Variants in CUX2 observed in about 807,000 individuals in gnomAD.
CUX2 encodes homeobox protein cut-like 2.
CUX2 carries 40 observed loss-of-function variants against 144.8 expected under a neutral mutation model. That is an observed-to-expected ratio of 0.28 (90% CI 0.21 to 0.36). CUX2 has a LOEUF of 0.36. Among genes scored for constraint, CUX2 ranks in the 10% least tolerant of loss-of-function variants. CUX2 has a pLI of 1.00. For synonymous variants in CUX2, 827 were observed against 875.6 expected (o/e 0.94, Z 0.98); for missense variants, 1,615 against 1,994.0 (o/e 0.81, Z 3.62).
At chr12:111,048,672 C>T (rs893178615) in intron 1 of CUX2, among the ~76,000 whole-genome samples, 4 of 152,026 alleles carry the variant, frequency 2.6e-5, no homozygotes, top group African/African-American at 9.7e-5. Context: ...TTCCAGGTGC[C>T]ACTTGTTAGG....
rs1023645527 is a variant in CUX2 at position 111,070,634 on chromosome 12, A to G, written c.63+36394A>G. 2.6e-4 allele frequency among the ~76,000 whole-genome samples: 40 copies of G among 152,234 alleles called. 1 individual carries two copies. Among genetic ancestry groups the G allele is most frequent in the Admixed American group, 2.1e-3 (32 of 15,292 alleles). On this transcript the variant is annotated intron_variant, in intron 1 of 21. Transcript: ENST00000261726. ...TCATTACCCAGAGTCTGTAGTTTAC[A>G]TTAGGATTCATTCTTGGTGTGGTAT...
intron 1 of CUX2, among the ~76,000 whole-genome samples, chr12:111,063,468 A>G (rs1260111968): frequency 6.6e-6 from 1 of 152,210 alleles, no homozygotes; most frequent in Admixed American, 6.5e-5. Flanking sequence ...GGTCCCAACC[A>G]GCATAGGTGG....
At chr12:111,281,419 G>A (rs1039876265) in intron 4 of CUX2, among the ~76,000 whole-genome samples, 2 of 152,096 alleles carry the variant, frequency 1.3e-5, no homozygotes, top group Non-Finnish European at 2.9e-5. Context: ...CCTCCCTAAG[G>A]TGAGTCGAGA....
In CUX2 at chr12:111,077,586, G is replaced by T. The variant is rs1871611582; in HGVS notation, c.63+43346G>T. Among the ~76,000 whole-genome samples, 1 of 152,212 alleles carries T rather than the reference G, an allele frequency of 6.6e-6. No individual in the cohort carries two copies. The highest frequency in any genetic ancestry group is 1.5e-5 in the Non-Finnish European group (1 of 68,040). Reference sequence around the variant, plus strand: ...GCAGCTCTCTTGATAACGTATGAAAGAATCCTATTCTGTTGATTAGATTTT... The same window carrying T: ...GCAGCTCTCTTGATAACGTATGAAATAATCCTATTCTGTTGATTAGATTTT... On this transcript the variant is annotated intron_variant, in intron 1 of 21. Transcript: ENST00000261726. This position sits in a 1 kb window ranked among gnomAD's most constrained non-coding sequence, Gnocchi z 4.1.
chr12:111,282,321 C>CAAAAAA (rs35466467), intron 4 of CUX2, among the ~76,000 whole-genome samples: 1 of 119,838 alleles, frequency 8.3e-6, no homozygotes, highest in African/African-American at 3.1e-5. Context: ...AACCCCATCT[C>CAAAAAA]AAAAAAAAAA....
intron 1 of CUX2, among the ~76,000 whole-genome samples, chr12:111,096,578 C>T (rs1339222351): frequency 6.6e-6 from 1 of 152,206 alleles, no homozygotes; most frequent in African/African-American, 2.4e-5. Flanking sequence ...TTCTCTGATG[C>T]TTCACATCCC....
In CUX2 at chr12:111,310,760, C is replaced by T. The variant is rs750837806; in HGVS notation, c.1900+78C>T. Reference sequence around the variant, plus strand: ...ATCAGGGCTGGGGGCTGAGGACACGCGCTCTGGGTTCAAAGCCCAGCTCTA... The same window carrying T: ...ATCAGGGCTGGGGGCTGAGGACACGTGCTCTGGGTTCAAAGCCCAGCTCTA... On this transcript the variant is annotated intron_variant, in intron 15 of 21. Transcript: ENST00000261726. This position sits in a 1 kb window ranked among gnomAD's most constrained non-coding sequence, Gnocchi z 7.9. 52 of 1,465,030 alleles carry T rather than the reference C, an allele frequency of 3.5e-5. No homozygotes were observed. Among genetic ancestry groups the T allele is most frequent in the Admixed American group, 8.9e-5 (4 of 44,968 alleles). The allele number at this position is 1,465,030 out of a possible 1,614,324, so 90.8% of individuals were successfully genotyped here.
chr12:111,175,365 C>CTATT (rs1878785322), intron 1 of CUX2, among the ~76,000 whole-genome samples: 1 of 104,516 alleles, frequency 9.6e-6, no homozygotes, highest in Non-Finnish European at 1.9e-5. Context: ...TTTTTTTACA[C>CTATT]TTTTCCACAA....
At chr12:111,319,529 G>A (rs989880523) in intron 16 of CUX2, among the ~76,000 whole-genome samples, 1 of 151,682 alleles carries the variant, frequency 6.6e-6, no homozygotes, top group South Asian at 2.1e-4. Flanking sequence ...TTGAGCTCAG[G>A]AGTTCAAGAC....
rs866738959 is a variant in CUX2, at chr12:111,287,629, G to A, written c.302-3789G>A. On this transcript the variant is annotated intron_variant, in intron 4 of 21. Transcript: ENST00000261726. The surrounding 1 kb of genome is among the most constrained non-coding windows in gnomAD (Gnocchi z 4.2). ...TGTCAATGTATAATTACATCAGCCC[G>A]GGGAGACATAATGGCATACCCTGCT... Among the ~76,000 whole-genome samples the A allele has an allele frequency of 5.3e-5, 8 of 152,348 alleles. No homozygotes were observed. The highest frequency in any genetic ancestry group is 3.4e-3 in the Middle Eastern group (1 of 294).
At chr12:111,303,808 C>T (rs979371474) in intron 9 of CUX2, among the ~76,000 whole-genome samples, 13 of 152,122 alleles carry the variant, frequency 8.5e-5, no homozygotes, top group Admixed American at 3.9e-4. Flanking sequence ...TCAGACTAGC[C>T]AGGCCTGAAG....
At chr12:111,218,987 A>G (rs1167954170) in intron 3 of CUX2, among the ~76,000 whole-genome samples, 1 of 151,870 alleles carries the variant, frequency 6.6e-6, no homozygotes. Flanking sequence ...AGGGATTTCT[A>G]AAGCGTTCCA....
At chr12:111,294,097 G>C (rs555062665) in intron 6 of CUX2, among the ~76,000 whole-genome samples, 1 of 152,362 alleles carries the variant, frequency 6.6e-6, no homozygotes, top group Admixed American at 6.5e-5. Context: ...ACTTTGGGAA[G>C]CCGAGGCAGG....
At chr12:111,292,655 G>A (rs924777552) in intron 5 of CUX2, among the ~76,000 whole-genome samples, 1 of 152,166 alleles carries the variant, frequency 6.6e-6, no homozygotes, top group African/African-American at 2.4e-5. Context: ...GCCACGTAAT[G>A]TACGATTCTG....
At chr12:111,270,914 G>T (rs1884616223) in intron 4 of CUX2, among the ~76,000 whole-genome samples, 1 of 152,198 alleles carries the variant, frequency 6.6e-6, no homozygotes, top group African/African-American at 2.4e-5. Flanking sequence ...TGTGCTGTGT[G>T]ACCTTGGCCA....
At chr12:111,067,316 T>C (rs372560726) in intron 1 of CUX2, among the ~76,000 whole-genome samples, 4 of 152,258 alleles carry the variant, frequency 2.6e-5, no homozygotes, top group African/African-American at 9.6e-5. Flanking sequence ...CAGGTCTCTG[T>C]TGTCCCTATA....
intron 19 of CUX2, among the ~76,000 whole-genome samples, chr12:111,335,120 G>A (rs1888291352): frequency 6.6e-6 from 1 of 152,138 alleles, no homozygotes; most frequent in African/African-American, 2.4e-5. Flanking sequence ...GCTGTGCATG[G>A]TGGCTCACAC....
chr12:111,175,842 T>C (rs111354582), intron 1 of CUX2, among the ~76,000 whole-genome samples: 1,645 of 151,888 alleles, frequency 0.011, 40 homozygotes, highest in African/African-American at 0.038. Context: ...CTGGGCAGCT[T>C]ATTGTACATG....
chr12:111,195,464 TG>T (rs1880180036), intron 1 of CUX2, among the ~76,000 whole-genome samples: 1 of 152,224 alleles, frequency 6.6e-6, no homozygotes, highest in African/African-American at 2.4e-5. Flanking sequence ...GGGGCATCAC[TG>T]GGCACCAGCC....
Sources: allele counts gnomAD v4.1 joint callset (sites outside exome capture counted in the v4.1 genomes callset), GRCh38; gene constraint gnomAD v4.1.1; non-coding constraint Gnocchi (gnomAD v3.1); transcripts MANE v1.5; gene names NCBI Gene and HGNC (gene_info 2026-07-23, HGNC 2026-07-21).